MKNK1: variants seen among roughly 807,000 people sequenced by gnomAD.
MKNK1 encodes MAP kinase-interacting serine/threonine-protein kinase 1.
In MKNK1, 30 loss-of-function variants were observed where a neutral mutation model predicts 49.3. The ratio of observed to expected loss-of-function variants is 0.61; its 90% CI spans 0.46 to 0.83. The LOEUF (loss-of-function observed/expected upper bound fraction) is 0.83. Among genes scored for constraint, MKNK1 ranks in the 40% least tolerant of loss-of-function variants. The probability of loss-of-function intolerance (pLI) is 0.00; values close to 1 mark genes in which losing one functional copy is unlikely to be tolerated. For synonymous variants in MKNK1, 176 were observed against 201.7 expected (o/e 0.87, Z 1.08); for missense variants, 423 against 524.7 (o/e 0.81, Z 1.89).
intron 2 of MKNK1, chr1:46,593,684 C>T (rs1268710813): frequency 6.5e-6 from 1 of 153,642 alleles, no homozygotes; most frequent in African/African-American, 2.4e-5. Flanking sequence ...CATGATGAAA[C>T]CCGTCTCTAC....
Position 46,594,260 on chromosome 1 carries a change from A to T in MKNK1, c.-150T>A, listed in dbSNP as rs767594507. The T allele has an allele frequency of 1.2e-6, 1 of 818,690 alleles. No individual in the cohort carries two copies. The highest frequency in any genetic ancestry group is 2.2e-6 in the Non-Finnish European group (1 of 464,172). The allele number at this position is 818,690 out of a possible 1,614,324, so 50.7% of individuals were successfully genotyped here. A position where few individuals can be genotyped will look rare whatever the true frequency, so the allele number is the denominator to read the frequency against. ...CGTAGGTGGCAATCTTCAGTTCTCC[A>T]TCGGCCTCTGACATGGAAACCTTGA... is the stretch of plus-strand genomic sequence containing the variant. On this transcript the variant is annotated 5_prime_UTR_variant, in exon 2 of 13. It removes an upstream start codon present in the reference 5' UTR. Transcript: ENST00000371945.
intron 4 of MKNK1, among the ~76,000 whole-genome samples, chr1:46,579,247 G>A (rs1671415615): frequency 6.6e-6 from 1 of 152,228 alleles, no homozygotes; most frequent in African/African-American, 2.4e-5. Flanking sequence ...GTTCAAAGAA[G>A]AGAAAACATT....
At chr1:46,571,178 C>T (rs1318989748) in intron 7 of MKNK1, among the ~76,000 whole-genome samples, 3 of 152,186 alleles carry the variant, frequency 2.0e-5, no homozygotes, top group Non-Finnish European at 4.4e-5. Flanking sequence ...TAACCTGAAG[C>T]GTAAATCAAA....
chr1:46,575,090 A>C, intron 5 of MKNK1, 70 bp from the exon 6 acceptor site: 1 of 1,016,952 alleles, frequency 9.8e-7, no homozygotes, highest in Non-Finnish European at 1.5e-6. Context: ...TCTACTTACA[A>C]ATATACAATG....
chr1:46,568,328 G>A (rs1367127419), intron 8 of MKNK1, 115 bp downstream of exon 8: 6 of 894,954 alleles, frequency 6.7e-6, no homozygotes, highest in Admixed American at 1.9e-5. Flanking sequence ...TGTCCAAGAC[G>A]ATCAGTTCAA....
At chr1:46,564,489 T>G (rs1668696652) in intron 9 of MKNK1, among the ~76,000 whole-genome samples, 1 of 71,184 alleles carries the variant, frequency 1.4e-5, no homozygotes, top group Admixed American at 1.6e-4. Context: ...TTTTTTTTTT[T>G]TTTTGAGACG....
chr1:46,587,401 C>G (rs2148724779), intron 2 of MKNK1, among the ~76,000 whole-genome samples: 1 of 152,316 alleles, frequency 6.6e-6, no homozygotes, highest in East Asian at 1.9e-4. Context: ...AGGCAGAAGC[C>G]CTGGTTCAGA....
At chr1:46,566,241 T>C (rs1164040145) in intron 8 of MKNK1, among the ~76,000 whole-genome samples, 1 of 152,228 alleles carries the variant, frequency 6.6e-6, no homozygotes, top group African/African-American at 2.4e-5. Flanking sequence ...TATAAGTAGA[T>C]TTACACAATA....
At chr1:46,564,868 G>A (rs1668782018) in intron 9 of MKNK1, among the ~76,000 whole-genome samples, 173 bp downstream of exon 9, 1 of 152,164 alleles carries the variant, frequency 6.6e-6, no homozygotes, top group Non-Finnish European at 1.5e-5. Flanking sequence ...GCAACTAAGG[G>A]GTCAGGGGAG....
chr1:46,601,875 GTACA>G (rs1442779654), intron 1 of MKNK1, among the ~76,000 whole-genome samples: 2 of 152,190 alleles, frequency 1.3e-5, no homozygotes, highest in East Asian at 3.8e-4. Flanking sequence ...CGTACTCAGA[GTACA>G]TATGGAGTGT....
rs189740008 is a variant in MKNK1 at position 46,598,670 on chromosome 1, T to C, written c.-170-4390A>G. ...GTAAGTAATATTTGTATTCTCATTT[T>C]ACAGATGAAGGAACAGAAACTCAGG... On this transcript the variant is annotated intron_variant, in intron 1 of 12. Coordinates refer to ENST00000371945, the MANE Select transcript of MKNK1 (RefSeq NM_001135553.4). Among the ~76,000 whole-genome samples the C allele has an allele frequency of 7.2e-5, 11 of 152,346 alleles. No homozygotes were observed. In the East Asian group the frequency reaches 2.1e-3, roughly 29 times the overall value.
intron 9 of MKNK1, among the ~76,000 whole-genome samples, chr1:46,564,044 CA>C (rs1217205121): frequency 0.011 from 439 of 39,024 alleles, 6 homozygotes; most frequent in Middle Eastern, 0.1. Flanking sequence ...GACTCTGTCT[CA>C]AAAAAAAAAA....
At chr1:46,582,334 G>T (rs564490702) in intron 3 of MKNK1, among the ~76,000 whole-genome samples, 1 of 152,188 alleles carries the variant, frequency 6.6e-6, no homozygotes, top group Non-Finnish European at 1.5e-5. Context: ...ACTGTTATTC[G>T]TAAGTGTTTT....
chr1:46,596,627 ACT>A (rs1432411750), intron 1 of MKNK1, among the ~76,000 whole-genome samples: 1 of 152,090 alleles, frequency 6.6e-6, no homozygotes, highest in East Asian at 1.9e-4. Context: ...TAAAATTCAA[ACT>A]CTCTGAGCTT....
At chr1:46,574,093 C>T (rs1166654813) in intron 6 of MKNK1, 1 of 152,152 alleles carries the variant, frequency 6.6e-6, no homozygotes, top group Non-Finnish European at 1.5e-5. Context: ...ATATTAGCAG[C>T]CAACATTTAT....
At chr1:46,577,296 C>T (rs949083964) in intron 4 of MKNK1, among the ~76,000 whole-genome samples, 4 of 152,140 alleles carry the variant, frequency 2.6e-5, no homozygotes, top group East Asian at 3.9e-4. Flanking sequence ...CTGGCCAACA[C>T]GGTGAAACCC....
At chr1:46,562,939 T>C (rs1383995971) in intron 9 of MKNK1, 96 bp from the exon 10 acceptor site, 1 of 1,063,942 alleles carries the variant, frequency 9.4e-7, no homozygotes, top group Non-Finnish European at 1.3e-6. Flanking sequence ...GTGATGGGAC[T>C]GGAGCAGGAG....
chr1:46,576,106 CCGGA>C (rs1335510982), intron 5 of MKNK1: 1 of 156,934 alleles, frequency 6.4e-6, no homozygotes, highest in African/African-American at 2.4e-5. Context: ...TAGAGATGAG[CCGGA>C]CCCAGCTATC....
chr1:46,573,025 G>A (rs919356374), intron 6 of MKNK1, among the ~76,000 whole-genome samples: 3 of 152,224 alleles, frequency 2.0e-5, no homozygotes, highest in African/African-American at 7.2e-5. Flanking sequence ...AGTGCCATGT[G>A]CTATGGAATA....
Sources: allele counts gnomAD v4.1 joint callset (sites outside exome capture counted in the v4.1 genomes callset), GRCh38; gene constraint gnomAD v4.1.1; transcripts MANE v1.5; gene names NCBI Gene and HGNC (gene_info 2026-07-23, HGNC 2026-07-21).